Variants in DCC observed in about 807,000 individuals in gnomAD.
The protein encoded by DCC is DCC netrin 1 receptor.
A neutral mutation model predicts 172.5 loss-of-function variants in DCC; 58 were observed. The observed-to-expected ratio is 0.34, with a 90% CI of 0.27 to 0.42. DCC has a LOEUF of 0.42. Ranked by LOEUF, DCC falls within the 10% of genes least tolerant of loss-of-function variation. The probability of loss-of-function intolerance (pLI) is 1.00; values close to 1 mark genes in which losing one functional copy is unlikely to be tolerated. For missense variants in DCC, 1,740 were observed against 1,791.0 expected (o/e 0.97, Z 0.51); for synonymous variants, 709 against 644.5 (o/e 1.10, Z -1.52).
chr18:52,678,283 ATAC>A (rs1258808376), intron 1 of DCC, among the ~76,000 whole-genome samples: 1 of 152,116 alleles, frequency 6.6e-6, no homozygotes, highest in African/African-American at 2.4e-5. Flanking sequence ...ATTGGTTGGC[ATAC>A]TCCTGGGATG....
intron 5 of DCC, among the ~76,000 whole-genome samples, chr18:52,934,560 C>T (rs1055651418): frequency 3.9e-5 from 6 of 152,104 alleles, no homozygotes; most frequent in Non-Finnish European, 7.4e-5. Context: ...AACTTCCTAT[C>T]GAAATGTTTT....
chr18:53,312,693 CAGCTACTCGGG>C (rs891017071), intron 13 of DCC, among the ~76,000 whole-genome samples: 1 of 149,588 alleles, frequency 6.7e-6, no homozygotes, highest in African/African-American at 2.5e-5. Context: ...CCTGTAATCC[CAGCTACTCGGG>C]AGGCTGAGGC....
At chr18:52,927,178 T>TATATATAC (rs1555682883) in intron 5 of DCC, among the ~76,000 whole-genome samples, 6 of 127,022 alleles carry the variant, frequency 4.7e-5, no homozygotes, top group African/African-American at 8.3e-5. Context: ...TGTATATATG[T>TATATATAC]GTATATATAC....
At chr18:52,579,610 T>C (rs919266488) in intron 1 of DCC, among the ~76,000 whole-genome samples, 10 of 152,188 alleles carry the variant, frequency 6.6e-5, no homozygotes, top group Non-Finnish European at 1.0e-4. Context: ...AAGACCTGTA[T>C]CTTATAAACC....
chr18:52,984,245 A>G (rs941459509), intron 5 of DCC, among the ~76,000 whole-genome samples: 4 of 152,146 alleles, frequency 2.6e-5, no homozygotes, highest in African/African-American at 9.6e-5. Context: ...TAGAAATAGA[A>G]TAAAATTTTA....
chr18:53,326,778 A>G (rs1048780537), intron 14 of DCC, among the ~76,000 whole-genome samples: 1 of 152,222 alleles, frequency 6.6e-6, no homozygotes, highest in Non-Finnish European at 1.5e-5. Context: ...AGAAATTTCC[A>G]TATAGAATTG....
At chr18:52,867,952 G>A (rs1425199141) in intron 2 of DCC, among the ~76,000 whole-genome samples, 4 of 151,696 alleles carry the variant, frequency 2.6e-5, no homozygotes, top group African/African-American at 7.3e-5. Context: ...ACATTATTAT[G>A]TGTCTTTCTT....
chr18:53,030,867 G>T (rs1355914349), intron 5 of DCC, among the ~76,000 whole-genome samples: 1 of 152,154 alleles, frequency 6.6e-6, no homozygotes, highest in African/African-American at 2.4e-5. Context: ...CTAGGAGGCA[G>T]GTGACCTGGA....
intron 15 of DCC, among the ~76,000 whole-genome samples, chr18:53,361,241 G>A (rs1784131788): frequency 6.6e-6 from 1 of 152,080 alleles, no homozygotes; most frequent in Admixed American, 6.6e-5. Context: ...CTCAGTTTTG[G>A]ACGTTTGGAC....
rs548156029 is a variant in DCC, at chr18:53,512,713, A to G, written c.4111+13203A>G. ...ATCAACTGGAAGAAAGGGTATCAGCAATGGAAGATGAAATGAATGAAATGA... is the reference window on the plus strand; with the variant it reads ...ATCAACTGGAAGAAAGGGTATCAGCGATGGAAGATGAAATGAATGAAATGA... On this transcript the variant is annotated intron_variant, in intron 27 of 28. Coordinates refer to ENST00000442544, the MANE Select transcript of DCC (RefSeq NM_005215.4). 1.8e-4 allele frequency among the ~76,000 whole-genome samples: 28 copies of G among 151,508 alleles called. No homozygotes were observed. The East Asian group carries it at 4.3e-3, about 23-fold the overall frequency.
intron 1 of DCC, among the ~76,000 whole-genome samples, chr18:52,484,261 A>G (rs4940181): frequency 0.058 from 8,780 of 152,138 alleles, 315 homozygotes; most frequent in South Asian, 0.12. Context: ...CTTAGAGTAC[A>G]GTAGAGCTTT....
At chr18:52,427,438 A>C (rs1193474887) in intron 1 of DCC, among the ~76,000 whole-genome samples, 1 of 152,106 alleles carries the variant, frequency 6.6e-6, no homozygotes, top group Admixed American at 6.6e-5. Flanking sequence ...AAAGAGAAAA[A>C]AGAAAGTTGA....
chr18:52,402,270 A>G (rs550100677), intron 1 of DCC, among the ~76,000 whole-genome samples: 37 of 151,990 alleles, frequency 2.4e-4, no homozygotes, highest in Non-Finnish European at 4.9e-4. Context: ...ATTTAAATGG[A>G]TTTAAAACTG....
At chr18:52,496,297 C>T (rs2030746764) in intron 1 of DCC, among the ~76,000 whole-genome samples, 2 of 152,150 alleles carry the variant, frequency 1.3e-5, no homozygotes, top group Admixed American at 6.6e-5. Flanking sequence ...AGAGTATGTA[C>T]ATCAATAAAA....
At chr18:52,643,620 G>C (rs1327353701) in intron 1 of DCC, among the ~76,000 whole-genome samples, 4 of 152,202 alleles carry the variant, frequency 2.6e-5, no homozygotes, top group East Asian at 1.9e-4. Context: ...GTTATTTGGA[G>C]ATAGAAGAAA....
intron 2 of DCC, among the ~76,000 whole-genome samples, chr18:52,875,376 A>G (rs1370492257): frequency 6.6e-6 from 1 of 152,262 alleles, no homozygotes; most frequent in Middle Eastern, 3.4e-3. Context: ...ACTTGTCTTA[A>G]TTTTTACCAA....
rs191387858 is a variant in DCC, at chr18:53,220,205, G to A, written c.1911+4608G>A. Among the ~76,000 whole-genome samples, 844 of 152,206 alleles carry A rather than the reference G, an allele frequency of 5.5e-3. 6 individuals are homozygous for A. Among genetic ancestry groups the A allele is most frequent in the Admixed American group, 0.023 (347 of 15,266 alleles). ...TGGGGTATGTGTATGTGTGTATTCAGTTTTGTTTTGTTTTTTTCTGAAATT... is the reference window on the plus strand; with the variant it reads ...TGGGGTATGTGTATGTGTGTATTCAATTTTGTTTTGTTTTTTTCTGAAATT... On this transcript the variant is annotated intron_variant, in intron 12 of 28. Coordinates refer to ENST00000442544, the MANE Select transcript of DCC (RefSeq NM_005215.4).
At chr18:52,835,937 T>C (rs1209679912) in intron 2 of DCC, among the ~76,000 whole-genome samples, 1 of 152,152 alleles carries the variant, frequency 6.6e-6, no homozygotes, top group East Asian at 1.9e-4. Flanking sequence ...TATGGAAAAA[T>C]ATCCGAGACT....
intron 5 of DCC, among the ~76,000 whole-genome samples, chr18:52,955,195 C>T (rs1196746731): frequency 6.6e-6 from 1 of 152,058 alleles, no homozygotes; most frequent in East Asian, 1.9e-4. Flanking sequence ...CTAAAGAATC[C>T]TTTGTGCTCT....
Sources: gnomAD v4.1 joint callset for allele counts (sites outside exome capture counted in the v4.1 genomes callset) on GRCh38, gnomAD v4.1.1 for gene constraint, MANE v1.5 for transcripts, NCBI Gene and HGNC (gene_info 2026-07-23, HGNC 2026-07-21) for gene names.